Variants in TMEM178B observed in about 807,000 individuals in gnomAD.
TMEM178B encodes transmembrane protein 178B.
TMEM178B carries 5 observed loss-of-function variants against 31.0 expected under a neutral mutation model. The observed-to-expected ratio is 0.16, with a 90% CI of 0.08 to 0.34. TMEM178B has a LOEUF of 0.34. Among genes scored for constraint, TMEM178B ranks in the 10% least tolerant of loss-of-function variants. The pLI is 1.00. For synonymous variants in TMEM178B, 164 were observed against 164.0 expected, an observed-to-expected ratio of 1.00 and a Z score of 0.00; for missense variants, 275 against 400.3, an observed-to-expected ratio of 0.69 and a Z score of 2.67.
intron 2 of TMEM178B, among the ~76,000 whole-genome samples, chr7:141,289,714 CA>C (rs35000633): frequency 1.7e-3 from 153 of 92,342 alleles, no homozygotes; most frequent in Middle Eastern, 6.3e-3. Context: ...GACCCTGTCT[CA>C]AAAAAAAAAA....
intron 2 of TMEM178B, 136 bp from the exon 3 acceptor site, chr7:141,437,472 C>A: frequency 8.6e-7 from 1 of 1,160,940 alleles, no homozygotes; most frequent in Non-Finnish European, 1.2e-6. Context: ...ATTGTGTGCT[C>A]CTATCTGAGA....
intron 1 of TMEM178B, among the ~76,000 whole-genome samples, chr7:141,139,646 A>G (rs1019083014): frequency 2.0e-5 from 3 of 152,098 alleles, no homozygotes; most frequent in African/African-American, 7.2e-5. Context: ...TTGAGCCCCC[A>G]TTTGCTTTTA....
intron 1 of TMEM178B, among the ~76,000 whole-genome samples, chr7:141,151,211 T>G (rs1381100098): frequency 6.6e-6 from 1 of 152,184 alleles, no homozygotes; most frequent in African/African-American, 2.4e-5. Flanking sequence ...GTGCTAGAAA[T>G]GGCCGTGGAG....
chr7:141,485,643 A>G, the TMEM178B span, among the ~76,000 whole-genome samples: 622 of 152,348 alleles, frequency 4.1e-3, 3 homozygotes, highest in African/African-American at 0.014. Context: ...CAGATCCTTC[A>G]TAAAGAATAC....
In TMEM178B at chr7:141,277,585, A is replaced by G. The variant is rs533378384; in HGVS notation, c.496+64881A>G. Among the ~76,000 whole-genome samples, 9 of 152,352 alleles carry G rather than the reference A, an allele frequency of 5.9e-5. No homozygotes were observed. In the East Asian group the frequency reaches 1.5e-3, roughly 26 times the overall value. On this transcript the variant is annotated intron_variant, in intron 2 of 3. Coordinates refer to ENST00000565468, the MANE Select transcript of TMEM178B (RefSeq NM_001195278.2). ...ATAAGTAGAAGGAGTACATGCTAAAATAACAGTAAAAAGTATAGTATAGTA... is the reference window on the plus strand; with the variant it reads ...ATAAGTAGAAGGAGTACATGCTAAAGTAACAGTAAAAAGTATAGTATAGTA...
At chr7:141,371,418 C>A (rs1359446615) in intron 2 of TMEM178B, among the ~76,000 whole-genome samples, 1 of 152,338 alleles carries the variant, frequency 6.6e-6, no homozygotes, top group African/African-American at 2.4e-5. Context: ...TCACCTGACG[C>A]AGACACCAGT....
the TMEM178B span, among the ~76,000 whole-genome samples, chr7:141,485,991 C>A: frequency 6.6e-6 from 1 of 152,202 alleles, no homozygotes; most frequent in Admixed American, 6.5e-5. Flanking sequence ...GATATGGAAG[C>A]AACCTACATG....
chr7:141,346,986 A>C (rs905723737), intron 2 of TMEM178B, among the ~76,000 whole-genome samples: 2 of 151,976 alleles, frequency 1.3e-5, no homozygotes, highest in Non-Finnish European at 2.9e-5. Context: ...TGGAGTTCTC[A>C]CAAGATCTGA....
At chr7:141,219,374 G>A (rs1214442092) in intron 2 of TMEM178B, among the ~76,000 whole-genome samples, 1 of 152,158 alleles carries the variant, frequency 6.6e-6, no homozygotes, top group Non-Finnish European at 1.5e-5. Flanking sequence ...TGCAGCATCA[G>A]CCATTTTCCT....
chr7:141,395,729 G>T (rs1800625825), intron 2 of TMEM178B, among the ~76,000 whole-genome samples: 1 of 152,088 alleles, frequency 6.6e-6, no homozygotes, highest in Admixed American at 6.6e-5. Flanking sequence ...GTATATTCAT[G>T]TGCTTATTTA....
intron 3 of TMEM178B, among the ~76,000 whole-genome samples, chr7:141,448,376 G>C (rs1333370134): frequency 6.6e-6 from 1 of 152,084 alleles, no homozygotes; most frequent in African/African-American, 2.4e-5. Context: ...ATAATGATTG[G>C]GTAAGAATAA....
At chr7:141,245,123 A>G (rs1364541816) in intron 2 of TMEM178B, among the ~76,000 whole-genome samples, 2 of 128,850 alleles carry the variant, frequency 1.6e-5, no homozygotes, top group Non-Finnish European at 3.2e-5. Flanking sequence ...AGATCGCACC[A>G]CTGGACTCCG....
At chr7:141,506,478 C>T in the TMEM178B span, among the ~76,000 whole-genome samples, 51 of 152,268 alleles carry the variant, frequency 3.3e-4, no homozygotes, top group African/African-American at 1.2e-3. Flanking sequence ...AAGGAGAAAC[C>T]CCTGATAAAC....
chr7:141,370,560 G>C (rs563385394), intron 2 of TMEM178B, among the ~76,000 whole-genome samples: 1 of 152,160 alleles, frequency 6.6e-6, no homozygotes, highest in East Asian at 1.9e-4. Context: ...TGCTCAGAAG[G>C]AGGAGCTAGT....
downstream of TMEM178B, among the ~76,000 whole-genome samples, chr7:141,484,252 C>T (rs1802522382): frequency 6.6e-6 from 1 of 152,128 alleles, no homozygotes; most frequent in Non-Finnish European, 1.5e-5. The surrounding 1 kb of genome is among the most constrained non-coding windows in gnomAD (Gnocchi z 4.8). Flanking sequence ...ATTTTTAATT[C>T]AGGAGAGGAG....
chr7:141,330,121 A>G (rs890855791), intron 2 of TMEM178B, among the ~76,000 whole-genome samples: 2 of 152,114 alleles, frequency 1.3e-5, no homozygotes, highest in Non-Finnish European at 1.5e-5. Context: ...TAATTATTTA[A>G]TTTGATATAA....
At chr7:141,495,017 C>A in the TMEM178B span, among the ~76,000 whole-genome samples, 1 of 152,070 alleles carries the variant, frequency 6.6e-6, no homozygotes, top group Admixed American at 6.5e-5. Context: ...TTTGAATTTC[C>A]CATAAGTAAA....
rs973904421 is a variant in TMEM178B, at chr7:141,446,879, T to C, written c.634+9134T>C. Among the ~76,000 whole-genome samples the C allele has an allele frequency of 2.3e-4, 35 of 152,258 alleles. 1 individual carries two copies. Among genetic ancestry groups the C allele is most frequent in the African/African-American group, 7.9e-4 (33 of 41,550 alleles). ...ATTATTATTTAGCTACTGAAGTACT[T>C]CTTTTTTTAAATAACCACCTTTAGT... On this transcript the variant is annotated intron_variant, in intron 3 of 3. Transcript: ENST00000565468.
intron 2 of TMEM178B, among the ~76,000 whole-genome samples, chr7:141,301,953 C>T (rs1306118534): frequency 1.3e-5 from 2 of 152,206 alleles, no homozygotes; most frequent in East Asian, 1.9e-4. Flanking sequence ...AGGCTGGGTA[C>T]AGTAAAAAGT....
Sources: allele counts gnomAD v4.1 joint callset (sites outside exome capture counted in the v4.1 genomes callset), GRCh38; gene constraint gnomAD v4.1.1; non-coding constraint Gnocchi (gnomAD v3.1); transcripts MANE v1.5; gene names NCBI Gene and HGNC (gene_info 2026-07-23, HGNC 2026-07-21).